The following DTD1 variants were observed in gnomAD, a reference collection of about 807,000 sequenced individuals.
DTD1 encodes D-tyrosyl-tRNA deacylase 1 homolog.
A neutral mutation model predicts 25.6 loss-of-function variants in DTD1; 13 were observed. The observed-to-expected ratio is 0.51, with a 90% CI of 0.33 to 0.81. The LOEUF is 0.81. DTD1 is among the 30% of genes least tolerant of loss of function. The pLI is 0.02. For synonymous variants in DTD1, 110 were observed against 103.6 expected, an observed-to-expected ratio of 1.06 and a Z score of -0.37; for missense variants, 193 against 266.4, an observed-to-expected ratio of 0.72 and a Z score of 1.92.
At chr20:18,632,045 TA>T in intron 4 of DTD1, 1 of 849,116 alleles carries the variant, frequency 1.2e-6, no homozygotes, top group Non-Finnish European at 1.4e-6. Context: ...ACACACAGAA[TA>T]AAGGACGGTA....
At chr20:18,601,358 G>A (rs1193502858) in intron 3 of DTD1, among the ~76,000 whole-genome samples, 2 of 152,048 alleles carry the variant, frequency 1.3e-5, no homozygotes, top group African/African-American at 2.4e-5. Flanking sequence ...AATTAGCCAG[G>A]TGTGGTAGCA....
chr20:18,641,229 T>C (rs1418447356), intron 4 of DTD1, among the ~76,000 whole-genome samples: 1 of 152,242 alleles, frequency 6.6e-6, no homozygotes, highest in African/African-American at 2.4e-5. Flanking sequence ...GTATTTTGTC[T>C]ATCCATTCGT....
intron 3 of DTD1, chr20:18,620,058 A>T (rs1025579501): frequency 6.6e-6 from 1 of 152,168 alleles, no homozygotes; most frequent in African/African-American, 2.4e-5. Context: ...ATCTGTATAT[A>T]TGCTGAAGAC....
chr20:18,692,544 A>G (rs1023912970), intron 4 of DTD1, among the ~76,000 whole-genome samples: 1 of 152,178 alleles, frequency 6.6e-6, no homozygotes, highest in Non-Finnish European at 1.5e-5. Flanking sequence ...CACTGAGGGA[A>G]GAAGACAAAT....
intron 4 of DTD1, among the ~76,000 whole-genome samples, chr20:18,702,714 G>T (rs1446115464): frequency 7.7e-6 from 1 of 130,032 alleles, no homozygotes; most frequent in Non-Finnish European, 1.6e-5. Flanking sequence ...CACTAGTTCT[G>T]TTGGAGTAGA....
intron 4 of DTD1, among the ~76,000 whole-genome samples, chr20:18,706,559 T>C (rs2122467945): frequency 6.6e-6 from 1 of 152,264 alleles, no homozygotes; most frequent in South Asian, 2.1e-4. Context: ...AAAAGGCAAA[T>C]TGGGCCTTCT....
intron 3 of DTD1, among the ~76,000 whole-genome samples, chr20:18,600,370 A>G (rs1040221288): frequency 3.3e-5 from 5 of 152,158 alleles, no homozygotes; most frequent in African/African-American, 1.2e-4. Context: ...CCCTTGCTCC[A>G]TTGTATTGCC....
chr20:18,667,961 C>G (rs1017047422), intron 4 of DTD1, among the ~76,000 whole-genome samples: 1 of 152,132 alleles, frequency 6.6e-6, no homozygotes, highest in African/African-American at 2.4e-5. Context: ...CTTATACGTG[C>G]GAAGGTGCCC....
At chr20:18,705,029 T>C (rs2122465620) in intron 4 of DTD1, among the ~76,000 whole-genome samples, 1 of 152,264 alleles carries the variant, frequency 6.6e-6, no homozygotes, top group South Asian at 2.1e-4. Context: ...GAAATAAAAT[T>C]ACAAATTTAA....
intron 4 of DTD1, among the ~76,000 whole-genome samples, chr20:18,743,547 A>G (rs552526510): frequency 5.9e-5 from 9 of 151,808 alleles, no homozygotes; most frequent in Non-Finnish European, 1.0e-4. Context: ...ATTGGCATGC[A>G]CCTGTAGTCA....
rs557139195 is a variant in DTD1 at position 18,688,619 on chromosome 20, T to G, written c.478-55481T>G. On this transcript the variant is annotated intron_variant, in intron 4 of 5. Transcript: ENST00000377452. ...TTTGGGGGCATAAACTATTACCTTT[T>G]GGATATCTGGAAGGTCCCTTGCCGG... Among the ~76,000 whole-genome samples the G allele has an allele frequency of 7.9e-5, 12 of 152,258 alleles. No individual in the cohort carries two copies. The South Asian group carries it at 2.5e-3, about 32-fold the overall frequency.
chr20:18,728,260 G>A (rs986921767), intron 4 of DTD1, among the ~76,000 whole-genome samples: 9 of 151,882 alleles, frequency 5.9e-5, no homozygotes, highest in African/African-American at 1.2e-4. Flanking sequence ...GGAAGAGGGC[G>A]GGGCCATCAC....
intron 4 of DTD1, among the ~76,000 whole-genome samples, chr20:18,700,640 A>G (rs996950213): frequency 6.6e-5 from 10 of 152,106 alleles, no homozygotes; most frequent in Admixed American, 5.2e-4. Flanking sequence ...ATGGTACTCA[A>G]TATGTACTTG....
At chr20:18,655,642 G>A (rs1165594541) in intron 4 of DTD1, among the ~76,000 whole-genome samples, 1 of 152,208 alleles carries the variant, frequency 6.6e-6, no homozygotes, top group African/African-American at 2.4e-5. Flanking sequence ...ATGCTGGAGG[G>A]AAGCATTGTG....
intron 4 of DTD1, among the ~76,000 whole-genome samples, chr20:18,738,418 G>T (rs1185135732): frequency 6.6e-6 from 1 of 152,228 alleles, no homozygotes; most frequent in Non-Finnish European, 1.5e-5. Context: ...GGCTTAAACA[G>T]TAAGGAGCCT....
At chr20:18,664,583 G>C (rs2060924388) in intron 4 of DTD1, among the ~76,000 whole-genome samples, 1 of 152,170 alleles carries the variant, frequency 6.6e-6, no homozygotes, top group Admixed American at 6.5e-5. Flanking sequence ...TGGTGGCCAG[G>C]GGTGATGGGG....
intron 4 of DTD1, among the ~76,000 whole-genome samples, chr20:18,654,255 G>C (rs1478922357): frequency 6.6e-6 from 1 of 152,182 alleles, no homozygotes; most frequent in African/African-American, 2.4e-5. Flanking sequence ...AGTCTTAGGA[G>C]ATCTGATGGT....
At chr20:18,741,453 G>C (rs2061277877) in intron 4 of DTD1, among the ~76,000 whole-genome samples, 1 of 152,142 alleles carries the variant, frequency 6.6e-6, no homozygotes, top group Admixed American at 6.5e-5. Context: ...TAGTAACTCT[G>C]CTCTAGATCT....
intron 4 of DTD1, among the ~76,000 whole-genome samples, chr20:18,724,373 G>A (rs564672621): frequency 2.0e-5 from 3 of 152,298 alleles, no homozygotes; most frequent in South Asian, 2.1e-4. Flanking sequence ...TGTATTTTGT[G>A]TGTGACTTGG....
Sources: gnomAD v4.1 joint callset for allele counts (sites outside exome capture counted in the v4.1 genomes callset) on GRCh38, gnomAD v4.1.1 for gene constraint, MANE v1.5 for transcripts, NCBI Gene and HGNC (gene_info 2026-07-23, HGNC 2026-07-21) for gene names.